Variants in KCNJ6 observed in about 807,000 individuals in gnomAD.
The protein encoded by KCNJ6 is potassium inwardly rectifying channel subfamily J member 6, also known as G protein-activated inward rectifier potassium channel 2.
Under a neutral mutation model 34.2 loss-of-function variants are expected in KCNJ6, and 9 were observed. That is an observed-to-expected ratio of 0.26 (90% confidence interval 0.16 to 0.46). The LOEUF (loss-of-function observed/expected upper bound fraction) is 0.46. KCNJ6 is among the 20% of genes least tolerant of loss of function. KCNJ6 has a pLI of 1.00. For synonymous variants in KCNJ6, 196 were observed against 207.1 expected (o/e 0.95, Z 0.46); for missense variants, 236 against 531.3 (o/e 0.44, Z 5.46).
chr21:37,827,393 G>C (rs977331728), intron 2 of KCNJ6, among the ~76,000 whole-genome samples: 1 of 152,182 alleles, frequency 6.6e-6, no homozygotes, highest in South Asian at 2.1e-4. Flanking sequence ...AGTGTTACTT[G>C]TCAGAATAAA....
At chr21:37,658,265 A>G (rs1004688665) in intron 3 of KCNJ6, among the ~76,000 whole-genome samples, 1 of 152,218 alleles carries the variant, frequency 6.6e-6, no homozygotes, top group African/African-American at 2.4e-5. Context: ...GAGAGATGGA[A>G]GTATTTGGTC....
chr21:37,834,299 C>T (rs1431127383), intron 2 of KCNJ6, among the ~76,000 whole-genome samples: 3 of 152,232 alleles, frequency 2.0e-5, no homozygotes, highest in African/African-American at 7.2e-5. Context: ...CTTTGCTCTT[C>T]CGCCACCTCT....
Position 37,625,492 on chromosome 21 carries a change from G to T in KCNJ6, c.947-8C>A. On this transcript the variant is annotated splice_polypyrimidine_tract_variant and splice_region_variant and intron_variant, in intron 3 of 3. Transcript: ENST00000609713. ...GAGCTTGGCATGTCATCCCTGCAGA[G>T]AGAAGAATGGAGGCTTTAGCATATG... 1 of 1,601,478 alleles carries T rather than the reference G, an allele frequency of 6.2e-7. No homozygotes were observed. Among genetic ancestry groups the T allele is most frequent in the South Asian group, 1.1e-5 (1 of 89,738 alleles).
At chr21:37,637,675 C>A (rs1003660509) in intron 3 of KCNJ6, among the ~76,000 whole-genome samples, 2 of 152,164 alleles carry the variant, frequency 1.3e-5, no homozygotes, top group Non-Finnish European at 2.9e-5. Flanking sequence ...GATTGAATAT[C>A]ATGCCCCAAA....
chr21:37,690,879 A>G (rs1215766454), intron 3 of KCNJ6, among the ~76,000 whole-genome samples: 2 of 148,302 alleles, frequency 1.3e-5, no homozygotes, highest in Admixed American at 6.8e-5. Context: ...TCCTACCGGG[A>G]TCAAGCAATT....
chr21:37,649,038 A>G (rs2054418974), intron 3 of KCNJ6, among the ~76,000 whole-genome samples: 1 of 1,366 alleles, frequency 7.3e-4, no homozygotes, highest in South Asian at 0.015. Context: ...AGGCTGAGGC[A>G]GAAGGAATCA....
chr21:37,736,240 G>T (rs2054912543), intron 2 of KCNJ6, among the ~76,000 whole-genome samples: 1 of 152,174 alleles, frequency 6.6e-6, no homozygotes, highest in Non-Finnish European at 1.5e-5. Context: ...CCCTGCCAGG[G>T]GAACTCAGGG....
chr21:37,625,549 CAGAG>C, intron 3 of KCNJ6, 65 bp from the exon 4 acceptor site: 1 of 1,243,268 alleles, frequency 8.0e-7, no homozygotes, highest in Non-Finnish European at 1.1e-6. Context: ...CAAGGAGTCA[CAGAG>C]AGCCAGGAGG....
Position 37,849,144 on chromosome 21 carries a change from C to A in KCNJ6, c.-27-8435G>T, listed in dbSNP as rs576569618. Among the ~76,000 whole-genome samples, 4 of 152,326 alleles carry A rather than the reference C, an allele frequency of 2.6e-5. No homozygotes were observed. The East Asian group carries it at 7.7e-4, about 29-fold the overall frequency. On this transcript the variant is annotated intron_variant, in intron 1 of 3. Coordinates refer to ENST00000609713, the MANE Select transcript of KCNJ6 (RefSeq NM_002240.5). ...ATACAGAGCCCATGCCCGTGGTGGA[C>A]AAGCATCTGCAGTCTTTTCCCTGTC...
At chr21:37,751,662 T>C (rs941028841) in intron 2 of KCNJ6, among the ~76,000 whole-genome samples, 4 of 152,140 alleles carry the variant, frequency 2.6e-5, no homozygotes, top group Non-Finnish European at 4.4e-5. Context: ...CACAGGAGGG[T>C]CCTGACCAAA....
At chr21:37,685,015 A>T (rs1048319138) in intron 3 of KCNJ6, among the ~76,000 whole-genome samples, 4 of 152,344 alleles carry the variant, frequency 2.6e-5, no homozygotes, top group Non-Finnish European at 2.9e-5. Flanking sequence ...AGACTATGAA[A>T]GATATCTGCA....
rs192718369 is a variant in KCNJ6, at chr21:37,702,170, T to C, written c.946+12041A>G. Among the ~76,000 whole-genome samples, 20 of 144,518 alleles carry C rather than the reference T, an allele frequency of 1.4e-4. No homozygotes were observed. In the East Asian group the frequency reaches 4.3e-3, roughly 31 times the overall value. The allele number at this position is 144,518 out of a possible 152,430, so 94.8% of individuals were successfully genotyped here. ...ATCGCTTGAACCCAGGAGGCGGAGGTTGCAGTCAGCTGAGATCGTACCACT... is the reference window on the plus strand; with the variant it reads ...ATCGCTTGAACCCAGGAGGCGGAGGCTGCAGTCAGCTGAGATCGTACCACT... On this transcript the variant is annotated intron_variant, in intron 3 of 3. Transcript: ENST00000609713.
rs2055536277 is a variant in KCNJ6 at position 37,851,306 on chromosome 21, T to C, written c.-27-10597A>G. The stretch of plus-strand genomic sequence containing the variant: ...GGAATAACCCCTGGAAGCCAGCTTG[T>C]TCCCTACGCATGCAAAAAAGTGTAG... On this transcript the variant is annotated intron_variant, in intron 1 of 3. Transcript: ENST00000609713. Among the ~76,000 whole-genome samples, 3 of 152,232 alleles carry C rather than the reference T, an allele frequency of 2.0e-5. No homozygotes were observed. The South Asian group carries it at 6.2e-4, about 32-fold the overall frequency.
chr21:37,694,273 C>G (rs1330408491), intron 3 of KCNJ6, among the ~76,000 whole-genome samples: 2 of 152,344 alleles, frequency 1.3e-5, no homozygotes, highest in African/African-American at 4.8e-5. Context: ...TGCTTCTCAC[C>G]AGGACAGCCT....
In KCNJ6 at chr21:37,616,458, C is replaced by G. The variant is rs1332250016; in HGVS notation, c.*8701G>C. 1 of 150,856 alleles carries G rather than the reference C, an allele frequency of 6.6e-6. No individual in the cohort carries two copies. The highest frequency in any genetic ancestry group is 2.0e-4 in the East Asian group (1 of 5,106). The allele number at this position is 150,856 out of a possible 1,614,324, so 9.3% of individuals were successfully genotyped here. On this transcript the variant is annotated 3_prime_UTR_variant, in exon 4 of 4. Coordinates refer to ENST00000609713, the MANE Select transcript of KCNJ6 (RefSeq NM_002240.5). ...CAAAGGACAAGAAGATCCCACTGGA[C>G]CAGTCCAGCTGTCCTTTCAGCACAA...
At position 37,863,149 on chromosome 21, in the gene KCNJ6, G is replaced by A. The variant is rs183688229; in HGVS notation, c.-27-22440C>T. Among the ~76,000 whole-genome samples, 6 of 150,938 alleles carry A rather than the reference G, an allele frequency of 4.0e-5. No homozygotes were observed. The East Asian group carries it at 7.7e-4, about 19-fold the overall frequency. On this transcript the variant is annotated intron_variant, in intron 1 of 3. Transcript: ENST00000609713. ...TTCTTTAACATTTTGCTTATTTTGTGTTATTTGATTCATTAATATTTTAGG... is the reference window on the plus strand; with the variant it reads ...TTCTTTAACATTTTGCTTATTTTGTATTATTTGATTCATTAATATTTTAGG...
chr21:37,720,702 CTT>C (rs3061017), intron 2 of KCNJ6, among the ~76,000 whole-genome samples: 31,119 of 129,558 alleles, frequency 0.24, 3,270 homozygotes, highest in African/African-American at 0.29. Context: ...ATTTTCTTTT[CTT>C]TTTTTTTTTT....
chr21:37,677,063 G>A (rs1480932153), intron 3 of KCNJ6, among the ~76,000 whole-genome samples: 1 of 152,228 alleles, frequency 6.6e-6, no homozygotes, highest in Non-Finnish European at 1.5e-5. Context: ...ACTGTCCAGT[G>A]GCAGAAATCG....
chr21:37,914,008 G>GGTGGGTGTGTGTGTGTGTGT (rs1555855562), intron 1 of KCNJ6, among the ~76,000 whole-genome samples: 1 of 135,480 alleles, frequency 7.4e-6, no homozygotes, highest in Non-Finnish European at 1.6e-5. Context: ...GGCGGATCGG[G>GGTGGGTGTGTGTGTGTGTGT]GTGTGTGTGT....
Sources: allele counts gnomAD v4.1 joint callset (sites outside exome capture counted in the v4.1 genomes callset), GRCh38; gene constraint gnomAD v4.1.1; transcripts MANE v1.5; gene names NCBI Gene and HGNC (gene_info 2026-07-23, HGNC 2026-07-21).